CSMD1: variants seen among roughly 807,000 people sequenced by gnomAD.
CSMD1 encodes CUB and sushi domain-containing protein 1.
Under a neutral mutation model 417.5 loss-of-function variants are expected in CSMD1, and 213 were observed. The ratio of observed to expected loss-of-function variants is 0.51; its 90% CI spans 0.46 to 0.57. The LOEUF (loss-of-function observed/expected upper bound fraction) is 0.57. Among genes scored for constraint, CSMD1 ranks in the 20% least tolerant of loss-of-function variants. The pLI is 0.00. For missense variants in CSMD1, 6,923 were observed against 4,529.7 expected (o/e 1.53, Z -15.17); for synonymous variants, 2,862 against 1,736.8 (o/e 1.65, Z -16.11).
intron 7 of CSMD1, among the ~76,000 whole-genome samples, chr8:3,625,969 T>C (rs1319842571): frequency 6.6e-6 from 1 of 152,204 alleles, no homozygotes; most frequent in Non-Finnish European, 1.5e-5. Context: ...AGCCAAGATG[T>C]TTATTTACTA....
At chr8:3,324,656 C>T (rs532254561) in intron 23 of CSMD1, among the ~76,000 whole-genome samples, 1 of 148,950 alleles carries the variant, frequency 6.7e-6, no homozygotes, top group African/African-American at 2.4e-5. Context: ...ACCCCAGAGA[C>T]CCAGTAGAGT....
intron 26 of CSMD1, among the ~76,000 whole-genome samples, chr8:3,270,523 C>T (rs1466902027): frequency 6.6e-6 from 1 of 152,182 alleles, no homozygotes; most frequent in Non-Finnish European, 1.5e-5. Flanking sequence ...TGATTTCCAA[C>T]TGGTATCAAA....
chr8:3,338,876 G>T (rs1222394645), intron 23 of CSMD1, among the ~76,000 whole-genome samples: 1 of 147,922 alleles, frequency 6.8e-6, no homozygotes, highest in Non-Finnish European at 1.5e-5. Flanking sequence ...GGGTACATGT[G>T]CACATTGTGC....
chr8:3,156,606 G>T (rs1218160890), intron 39 of CSMD1, among the ~76,000 whole-genome samples: 7 of 152,152 alleles, frequency 4.6e-5, no homozygotes, highest in Admixed American at 1.3e-4. Context: ...ACTCTCTCCA[G>T]TGCAAAATTC....
chr8:3,961,801 A>G (rs1286568257), intron 5 of CSMD1, among the ~76,000 whole-genome samples: 11 of 152,158 alleles, frequency 7.2e-5, no homozygotes, highest in African/African-American at 7.2e-5. Context: ...GGTTTTTAAT[A>G]TTTCCCGCTA....
At chr8:3,261,167 T>C (rs1308048057) in intron 26 of CSMD1, among the ~76,000 whole-genome samples, 1 of 152,246 alleles carries the variant, frequency 6.6e-6, no homozygotes, top group Non-Finnish European at 1.5e-5. Context: ...ATATATGTTT[T>C]CTAAATGATG....
intron 11 of CSMD1, among the ~76,000 whole-genome samples, chr8:3,477,579 T>C (rs1171059957): frequency 3.9e-5 from 6 of 152,152 alleles, no homozygotes; most frequent in Non-Finnish European, 8.8e-5. Context: ...TGGAGTAAAA[T>C]ACCAGTAATG....
At chr8:4,616,791 A>C (rs962332365) in intron 2 of CSMD1, among the ~76,000 whole-genome samples, 1 of 152,222 alleles carries the variant, frequency 6.6e-6, no homozygotes, top group Non-Finnish European at 1.5e-5. Flanking sequence ...TATTTGTAGA[A>C]TCCAGAGGAA....
intron 10 of CSMD1, among the ~76,000 whole-genome samples, chr8:3,560,523 A>G (rs1162560708): frequency 6.6e-6 from 1 of 152,192 alleles, no homozygotes; most frequent in Non-Finnish European, 1.5e-5. Flanking sequence ...CCTTGAAAGC[A>G]TGTATTTGAG....
Position 4,015,028 on chromosome 8 carries a change from G to C in CSMD1, c.610+16877C>G, listed in dbSNP as rs57328533. Among the ~76,000 whole-genome samples, 1,047 of 152,260 alleles carry C rather than the reference G, an allele frequency of 6.9e-3. 58 individuals are homozygous for C. The East Asian group carries it at 0.14, about 20-fold the overall frequency. ...GTAGACCAGGTTTACTAGAATCTAA[G>C]ACTGATTTTTTTGAACAGTTTTAAT... On this transcript the variant is annotated intron_variant, in intron 4 of 69. Coordinates refer to ENST00000635120, the MANE Select transcript of CSMD1 (RefSeq NM_033225.6).
intron 5 of CSMD1, among the ~76,000 whole-genome samples, chr8:3,789,894 G>T (rs189955087): frequency 6.6e-6 from 1 of 151,886 alleles, no homozygotes; most frequent in Non-Finnish European, 1.5e-5. Flanking sequence ...ACCACGCCTG[G>T]CTAATTTTTT....
At chr8:4,937,008 G>A (rs1807665008) in intron 1 of CSMD1, among the ~76,000 whole-genome samples, 1 of 152,030 alleles carries the variant, frequency 6.6e-6, no homozygotes. Context: ...GTCAGGAATT[G>A]GAGACCAGCC....
chr8:3,591,708 T>C (rs1007452219), intron 8 of CSMD1, among the ~76,000 whole-genome samples: 1 of 152,034 alleles, frequency 6.6e-6, no homozygotes, highest in Non-Finnish European at 1.5e-5. Flanking sequence ...GATAGATAGA[T>C]AGATGATAGA....
chr8:2,993,296 T>G (rs1048839928), intron 54 of CSMD1, among the ~76,000 whole-genome samples: 1 of 152,218 alleles, frequency 6.6e-6, no homozygotes, highest in African/African-American at 2.4e-5. Flanking sequence ...GTGGATTGCC[T>G]GTCTGGGTTT....
intron 21 of CSMD1, among the ~76,000 whole-genome samples, 169 bp downstream of exon 21, chr8:3,358,983 G>A (rs931043999): frequency 3.3e-5 from 5 of 152,080 alleles, no homozygotes; most frequent in African/African-American, 1.2e-4. Flanking sequence ...TTCAAGCCCA[G>A]AGCAGTTAGG....
At chr8:4,501,372 G>T (rs1802250807) in intron 2 of CSMD1, among the ~76,000 whole-genome samples, 1 of 151,950 alleles carries the variant, frequency 6.6e-6, no homozygotes, top group Admixed American at 6.6e-5. Flanking sequence ...ATTTTTATTA[G>T]GCATCATTTA....
intron 3 of CSMD1, among the ~76,000 whole-genome samples, chr8:4,183,740 T>C (rs1034043318): frequency 6.6e-6 from 1 of 152,256 alleles, no homozygotes; most frequent in Non-Finnish European, 1.5e-5. Flanking sequence ...TTTTAAAAGA[T>C]TAGTGAAGCA....
chr8:3,141,119 A>G (rs1243270589), intron 41 of CSMD1, among the ~76,000 whole-genome samples: 3 of 152,312 alleles, frequency 2.0e-5, no homozygotes, highest in Non-Finnish European at 4.4e-5. Flanking sequence ...TGGGAAAGCT[A>G]CATGATGATG....
intron 1 of CSMD1, among the ~76,000 whole-genome samples, chr8:4,702,705 T>C (rs2724961): frequency 0.66 from 99,576 of 151,988 alleles, 34,434 homozygotes; most frequent in African/African-American, 0.87. Flanking sequence ...TATTGCTAAG[T>C]ACAAAAATTC....
Sources: gnomAD v4.1 joint callset for allele counts (sites outside exome capture counted in the v4.1 genomes callset) on GRCh38, gnomAD v4.1.1 for gene constraint, MANE v1.5 for transcripts, NCBI Gene and HGNC (gene_info 2026-07-23, HGNC 2026-07-21) for gene names.